FCER2: variants seen among roughly 807,000 people sequenced by gnomAD.
FCER2 encodes the protein low affinity immunoglobulin epsilon Fc receptor.
FCER2 carries 38 observed loss-of-function variants against 49.7 expected under a neutral mutation model. That is an observed-to-expected ratio of 0.76 (90% CI 0.59 to 1.00). The LOEUF (loss-of-function observed/expected upper bound fraction) is 1.00, where lower values mean the gene tolerates loss of function less well. FCER2 is among the 50% of genes least tolerant of loss of function. The probability of loss-of-function intolerance (pLI) is 0.00; values close to 1 mark genes in which losing one functional copy is unlikely to be tolerated. For missense variants in FCER2, 425 were observed against 419.5 expected, an observed-to-expected ratio of 1.01 and a Z score of -0.11; for synonymous variants, 163 against 164.6, an observed-to-expected ratio of 0.99 and a Z score of 0.07.
Position 7,697,237 on chromosome 19 carries a change from C to T in FCER2, c.315G>A (p.Gln105=). The T allele has an allele frequency of 4.3e-6, 7 of 1,614,160 alleles. No homozygotes were observed. The highest frequency in any genetic ancestry group is 5.9e-6 in the Non-Finnish European group (7 of 1,179,990). Reference sequence around the variant, plus strand: ...ATAACCCCGATCCCAGTCTCTCACCCTGAGATTTCAATCTCTGCTGTTCAG... The same window carrying T: ...ATAACCCCGATCCCAGTCTCTCACCTTGAGATTTCAATCTCTGCTGTTCAG... ...LRAEQQRLKS[Q]DLELSWNLNG... The change falls in exon 6 of 11, where the codon CAG becomes CAA. Residue 105 remains glutamine, a splice_region_variant and synonymous_variant. Transcript: ENST00000597921.
intron 8 of FCER2, among the ~76,000 whole-genome samples, chr19:7,693,574 C>T (rs1171015459): frequency 6.6e-6 from 1 of 151,864 alleles, no homozygotes; most frequent in Non-Finnish European, 1.5e-5. Context: ...TAGCAAAAAC[C>T]CGCTTTAAGT....
At position 7,698,356 on chromosome 19, in the gene FCER2, C is replaced by G. The variant is rs745635553; in HGVS notation, c.190G>C (p.Val64Leu). The part of the protein sequence containing the change: ...KQLEERAARN[V>L]SQVSKNLESH... ...CCCCTCCACCTTGACCCCTTCATAC[C>G]GTTCCGGGCAGCCCTCTCTTCCAGC... Residue 64 changes from valine to leucine, a missense_variant and splice_region_variant, in exon 4 of 11, where the codon GTC becomes CTC. By Grantham distance (32) the Val-to-Leu change is conservative. Coordinates refer to ENST00000597921, the MANE Select transcript of FCER2 (RefSeq NM_001220500.2). 1.8e-5 allele frequency: 29 copies of G among 1,609,366 alleles called. No individual in the cohort carries two copies. Among genetic ancestry groups the G allele is most frequent in the East Asian group, 8.9e-5 (4 of 44,864 alleles).
At chr19:7,691,576 C>T (rs368874322) in intron 8 of FCER2, among the ~76,000 whole-genome samples, 31 of 152,218 alleles carry the variant, frequency 2.0e-4, no homozygotes, top group African/African-American at 6.5e-4. Flanking sequence ...CAAGCACCAT[C>T]ACCAACAGCA....
At chr19:7,690,349 TG>T in intron 9 of FCER2, 56 bp downstream of exon 9, 1 of 1,597,364 alleles carries the variant, frequency 6.3e-7, no homozygotes, top group East Asian at 2.2e-5. Context: ...TAGAGTGGGG[TG>T]GGGGTCCCCC....
At chr19:7,694,384 C>T (rs559071206) in intron 8 of FCER2, among the ~76,000 whole-genome samples, 18 of 152,176 alleles carry the variant, frequency 1.2e-4, no homozygotes, top group Admixed American at 7.9e-4. Flanking sequence ...AAAACAACAA[C>T]GACAAAAACC....
chr19:7,694,096 A>G (rs1297416495), intron 8 of FCER2, among the ~76,000 whole-genome samples: 2 of 152,016 alleles, frequency 1.3e-5, no homozygotes, highest in African/African-American at 2.4e-5. Flanking sequence ...CCACCCTCAC[A>G]TGGTCAGATT....
At chr19:7,695,794 G>A (rs552893346) in intron 8 of FCER2, among the ~76,000 whole-genome samples, 9 of 152,196 alleles carry the variant, frequency 5.9e-5, no homozygotes, top group South Asian at 4.2e-4. Context: ...GCACACACTC[G>A]TAGTCTCAGC....
chr19:7,697,236 C>T lies in FCER2; in HGVS notation c.316G>A (p.Asp106Asn), dbSNP rs866167964. ...CATAACCCCGATCCCAGTCTCTCACCCTGAGATTTCAATCTCTGCTGTTCA... is the reference window on the plus strand; with the variant it reads ...CATAACCCCGATCCCAGTCTCTCACTCTGAGATTTCAATCTCTGCTGTTCA... ...RAEQQRLKSQ[D>N]LELSWNLNGL... Residue 106 changes from aspartate to asparagine, a missense_variant and splice_region_variant, in exon 6 of 11, where the codon GAC becomes AAC. Asp to Asn is a conservative substitution (Grantham distance 23, BLOSUM62 1). Transcript: ENST00000597921. 1 of 1,614,078 alleles carries T rather than the reference C, an allele frequency of 6.2e-7. No homozygotes were observed. Among genetic ancestry groups the T allele is most frequent in the African/African-American group, 1.3e-5 (1 of 75,048 alleles).
intron 3 of FCER2, 55 bp downstream of exon 3, chr19:7,698,686 A>G: frequency 6.3e-7 from 1 of 1,587,160 alleles, no homozygotes; most frequent in Non-Finnish European, 8.6e-7. Context: ...GAAGGAGGGA[A>G]CACAGAAGGG....
rs201613168 is a variant in FCER2, at chr19:7,699,787, G to C, written c.-27C>G. ...GCGGTCCTGCTTGGATTCTCCCGAT[G>C]ATGGAGCACTCACTCCCTGACAACG... On this transcript the variant is annotated 5_prime_UTR_variant, in exon 2 of 11. In the 5' UTR this introduces an upstream ATG that the reference lacks. Coordinates refer to ENST00000597921, the MANE Select transcript of FCER2 (RefSeq NM_001220500.2). 1.9e-6 allele frequency: 3 copies of C among 1,612,124 alleles called. No individual in the cohort carries two copies. The highest frequency in any genetic ancestry group is 2.5e-6 in the Non-Finnish European group (3 of 1,178,322).
chr19:7,700,119 C>T lies in FCER2; in HGVS notation c.-85-274G>A, dbSNP rs151328872. ...ACAAATGGCTTAATTAACCTGGAAACTTCTTTCCTCATTCGTAAAATGATG... is the reference window on the plus strand; with the variant it reads ...ACAAATGGCTTAATTAACCTGGAAATTTCTTTCCTCATTCGTAAAATGATG... On this transcript the variant is annotated intron_variant, in intron 1 of 10. Coordinates refer to ENST00000597921, the MANE Select transcript of FCER2 (RefSeq NM_001220500.2). 147 of 270,214 alleles carry T rather than the reference C, an allele frequency of 5.4e-4. 2 individuals carry two copies. In the East Asian group the frequency reaches 0.01, roughly 19 times the overall value. The allele number at this position is 270,214 out of a possible 1,614,324, so 16.7% of individuals were successfully genotyped here. A position where few individuals can be genotyped will look rare whatever the true frequency, so the allele number is the denominator to read the frequency against.
At position 7,689,358 on chromosome 19, in the gene FCER2, G is replaced by C. The variant is rs2032793087; in HGVS notation, c.801C>G (p.Arg267=). The C allele has an allele frequency of 6.2e-7, 1 of 1,610,542 alleles. No homozygotes were observed. The highest frequency in any genetic ancestry group is 8.5e-7 in the Non-Finnish European group (1 of 1,178,956). ...EDCVMMRGSG[R]WNDAFCDRKL... is the part of the protein sequence containing the mutation. ...TACGGTCGCAGAAGGCGTCGTTCCA[G>C]CGACCGGAGCCCCGCATCATCACGC... Residue 267 remains arginine (R), a synonymous_variant, in exon 11 of 11, where the codon CGC becomes CGG. Coordinates refer to ENST00000597921, the MANE Select transcript of FCER2 (RefSeq NM_001220500.2).
chr19:7,700,584 G>A (rs974881647), intron 1 of FCER2, among the ~76,000 whole-genome samples: 3 of 152,024 alleles, frequency 2.0e-5, no homozygotes, highest in African/African-American at 7.3e-5. Context: ...GCACGATCTC[G>A]GCTCACTGCC....
At chr19:7,691,559 T>G (rs1421417416) in intron 8 of FCER2, among the ~76,000 whole-genome samples, 1 of 150,656 alleles carries the variant, frequency 6.6e-6, no homozygotes, top group Admixed American at 6.6e-5. Flanking sequence ...CAGCAGCACC[T>G]CAGCCACAAG....
Position 7,690,280 on chromosome 19 carries a change from A to G in FCER2, c.622-15T>C. ...GTCAGGAAGTCCTGGGGGACAGGAC[A>G]GGGCTGGAGGACTGGAGACATGTGC... On this transcript the variant is annotated splice_polypyrimidine_tract_variant and intron_variant, in intron 9 of 10. Transcript: ENST00000597921. 2 of 1,610,806 alleles carry G rather than the reference A, an allele frequency of 1.2e-6. No individual in the cohort carries two copies. Among genetic ancestry groups the G allele is most frequent in the Non-Finnish European group, 1.7e-6 (2 of 1,177,098 alleles).
intron 8 of FCER2, among the ~76,000 whole-genome samples, chr19:7,695,414 A>G (rs991251785): frequency 6.6e-6 from 1 of 152,320 alleles, no homozygotes; most frequent in Middle Eastern, 3.4e-3. Context: ...TCAACACTGG[A>G]CTGCTTTAAC....
intron 4 of FCER2, among the ~76,000 whole-genome samples, 163 bp from the exon 5 acceptor site, chr19:7,697,752 C>T (rs2033056236): frequency 6.9e-6 from 1 of 143,912 alleles, no homozygotes; most frequent in South Asian, 2.3e-4. Flanking sequence ...AAGGTATATG[C>T]AAGAATATAA....
At chr19:7,699,539 G>T (rs1229604767) in intron 2 of FCER2, 200 bp downstream of exon 2, 145 of 1,350,980 alleles carry the variant, frequency 1.1e-4, no homozygotes, top group Non-Finnish European at 1.4e-4. Context: ...AAAAGGAGGG[G>T]CCCTCAATTT....
Position 7,702,113 on chromosome 19 carries a change from AAG to A in FCER2, c.-186_-185del, listed in dbSNP as rs1482939406. Reference sequence around the variant, plus strand: ...CGTCAGAGACAGAGGTTTAAGCAGGAAGAGAGACACTTTCTTCTGAAAGTAGA... The same window carrying A: ...CGTCAGAGACAGAGGTTTAAGCAGGAAGAGACACTTTCTTCTGAAAGTAGA... On this transcript the variant is annotated 5_prime_UTR_variant, in exon 1 of 11. Coordinates refer to ENST00000597921, the MANE Select transcript of FCER2 (RefSeq NM_001220500.2). 1 of 152,076 alleles carries A rather than the reference AAG, an allele frequency of 6.6e-6. No homozygotes were observed. Among genetic ancestry groups the A allele is most frequent in the African/African-American group, 2.4e-5 (1 of 41,386 alleles). The allele number at this position is 152,076 out of a possible 1,614,324, so 9.4% of individuals were successfully genotyped here. A position where few individuals can be genotyped will look rare whatever the true frequency, so the allele number is the denominator to read the frequency against.
Sources: gnomAD v4.1 joint callset for allele counts (sites outside exome capture counted in the v4.1 genomes callset) on GRCh38, gnomAD v4.1.1 for gene constraint, MANE v1.5 for transcripts, NCBI Gene and HGNC (gene_info 2026-07-23, HGNC 2026-07-21) for gene names.